GREB1L: variants seen among roughly 807,000 people sequenced by gnomAD.
The protein encoded by GREB1L is GREB1 like retinoic acid receptor coactivator.
In GREB1L, 17 loss-of-function variants were observed where a neutral mutation model predicts 200.8. The observed-to-expected ratio is 0.08, with a 90% confidence interval of 0.06 to 0.13. The LOEUF (loss-of-function observed/expected upper bound fraction) is 0.13. Among genes scored for constraint, GREB1L ranks in the 10% least tolerant of loss-of-function variants. The pLI is 1.00. For missense variants in GREB1L, 1,657 were observed against 2,367.7 expected (o/e 0.70, Z 6.23); for synonymous variants, 789 against 893.0 (o/e 0.88, Z 2.08).
chr18:21,301,868 C>T (rs1036489287), intron 1 of GREB1L, among the ~76,000 whole-genome samples: 3 of 152,148 alleles, frequency 2.0e-5, no homozygotes, highest in African/African-American at 7.2e-5. Context: ...ATATTCATAA[C>T]TTAATTTTTG....
intron 2 of GREB1L, among the ~76,000 whole-genome samples, chr18:21,377,888 C>CTGG (rs2040139946): frequency 6.6e-6 from 1 of 151,840 alleles, no homozygotes; most frequent in Non-Finnish European, 1.5e-5. Flanking sequence ...CCAGCCTGGG[C>CTGG]AACAAGAGTA....
At chr18:21,482,995 A>G (rs919614465) in intron 17 of GREB1L, among the ~76,000 whole-genome samples, 1 of 152,220 alleles carries the variant, frequency 6.6e-6, no homozygotes, top group Non-Finnish European at 1.5e-5. Flanking sequence ...AACTTTTGTA[A>G]CACAAAACCA....
In GREB1L at chr18:21,522,916, G is replaced by A; in HGVS notation, c.*95G>A. 3 of 1,087,516 alleles carry A rather than the reference G, an allele frequency of 2.8e-6. No homozygotes were observed. Among genetic ancestry groups the A allele is most frequent in the Non-Finnish European group, 3.9e-6 (3 of 778,124 alleles). 67.4% of individuals were successfully genotyped at this position (1,087,516 alleles called of 1,614,324 possible). A position where few individuals can be genotyped will look rare whatever the true frequency, so the allele number is the denominator to read the frequency against. On this transcript the variant is annotated 3_prime_UTR_variant, in exon 33 of 33. Coordinates refer to ENST00000424526, the MANE Select transcript of GREB1L (RefSeq NM_001142966.3). ...CTTTTTCCTTTAAAGTACAATCACT[G>A]TGGAGCAAAGTGCAACATATTTGTC...
chr18:21,347,287 A>C (rs917941688), intron 1 of GREB1L, among the ~76,000 whole-genome samples: 28 of 151,704 alleles, frequency 1.8e-4, no homozygotes, highest in African/African-American at 6.3e-4. Flanking sequence ...TCAAAAAAAA[A>C]AAACAAACAA....
intron 17 of GREB1L, among the ~76,000 whole-genome samples, chr18:21,483,972 C>CAAA (rs67820386): frequency 7.1e-5 from 6 of 84,712 alleles, no homozygotes; most frequent in African/African-American, 1.4e-4. Flanking sequence ...TGAGACTCCT[C>CAAA]AAAAAAAAAG....
chr18:21,332,077 C>T (rs1261290952), intron 1 of GREB1L, among the ~76,000 whole-genome samples: 1 of 152,110 alleles, frequency 6.6e-6, no homozygotes. Context: ...ACTTAAACAA[C>T]AACAACAAAA....
intron 7 of GREB1L, among the ~76,000 whole-genome samples, chr18:21,406,401 A>T (rs562586061): frequency 6.6e-6 from 1 of 152,370 alleles, no homozygotes; most frequent in East Asian, 1.9e-4. Flanking sequence ...TAATTTGACC[A>T]TGAAAATTAG....
chr18:21,361,621 A>G (rs1466619592), intron 1 of GREB1L, among the ~76,000 whole-genome samples: 2 of 152,126 alleles, frequency 1.3e-5, no homozygotes, highest in Non-Finnish European at 2.9e-5. Context: ...TTGAAGTGCA[A>G]ATAGAATGGT....
intron 1 of GREB1L, among the ~76,000 whole-genome samples, chr18:21,247,856 A>G (rs2037632909): frequency 6.6e-6 from 1 of 152,152 alleles, no homozygotes; most frequent in Admixed American, 6.5e-5. Context: ...TTGAGGTTAC[A>G]TGCAGATTCT....
chr18:21,351,452 A>G (rs1414782298), intron 1 of GREB1L, among the ~76,000 whole-genome samples: 5 of 152,062 alleles, frequency 3.3e-5, no homozygotes, highest in African/African-American at 1.2e-4. Context: ...GCATGCCTGT[A>G]GTTCCAGCTC....
chr18:21,377,295 G>A (rs1598718827), intron 2 of GREB1L, among the ~76,000 whole-genome samples: 2 of 152,066 alleles, frequency 1.3e-5, no homozygotes, highest in East Asian at 3.9e-4. Context: ...TGGGAAATAG[G>A]TGCCTGCTAA....
At chr18:21,476,100 C>G (rs1006934) in intron 16 of GREB1L, among the ~76,000 whole-genome samples, 43,790 of 148,978 alleles carry the variant, frequency 0.29, 8,521 homozygotes, top group African/African-American at 0.52. Context: ...CAGCAGGGGT[C>G]GGGGGTGGCA....
rs564890947 is a variant in GREB1L at position 21,512,224 on chromosome 18, A to G, written c.4736-1597A>G. On this transcript the variant is annotated intron_variant, in intron 27 of 32. Transcript: ENST00000424526. ...CAGGATAGATTTTTCTATTTCTGCA[A>G]AGTCTTTGGGATTTTGATAGGGACT... 1.9e-4 allele frequency among the ~76,000 whole-genome samples: 29 copies of G among 152,130 alleles called. 1 individual carries two copies. Among genetic ancestry groups the G allele is most frequent in the Non-Finnish European group, 4.3e-4 (29 of 68,032 alleles).
intron 1 of GREB1L, among the ~76,000 whole-genome samples, chr18:21,288,731 C>T (rs1175667293): frequency 5.3e-5 from 8 of 151,400 alleles, no homozygotes; most frequent in South Asian, 2.1e-4. Flanking sequence ...GTAAGGCTAC[C>T]ATCCTTTTTT....
chr18:21,417,375 A>G lies in GREB1L; in HGVS notation c.832+13381A>G, dbSNP rs373552029. 2.0e-5 allele frequency among the ~76,000 whole-genome samples: 3 copies of G among 152,114 alleles called. No individual in the cohort carries two copies. In the South Asian group the frequency reaches 6.2e-4, roughly 32 times the overall value. On this transcript the variant is annotated intron_variant, in intron 7 of 32. Coordinates refer to ENST00000424526, the MANE Select transcript of GREB1L (RefSeq NM_001142966.3). Reference sequence around the variant, plus strand: ...CATTTCTACTAAAAATGCAAAAAAAATTGCCAGGCATGGTGATGTGGGCCT... The same window carrying G: ...CATTTCTACTAAAAATGCAAAAAAAGTTGCCAGGCATGGTGATGTGGGCCT...
intron 14 of GREB1L, among the ~76,000 whole-genome samples, chr18:21,454,026 G>A (rs1397598474): frequency 1.3e-5 from 2 of 152,180 alleles, no homozygotes; most frequent in Non-Finnish European, 2.9e-5. Context: ...CCCTTTCCAG[G>A]GATGAGTCTT....
Position 21,461,071 on chromosome 18 carries a change from T to C in GREB1L, c.2182+6508T>C, listed in dbSNP as rs2035025255. On this transcript the variant is annotated intron_variant, in intron 15 of 32. Coordinates refer to ENST00000424526, the MANE Select transcript of GREB1L (RefSeq NM_001142966.3). The stretch of plus-strand genomic sequence containing the variant: ...GAGATCGCATCACTGCACTCCAGCC[T>C]GGGTGACAGAGTGAGACTCCATCTC... Among the ~76,000 whole-genome samples, 3 of 143,930 alleles carry C rather than the reference T, an allele frequency of 2.1e-5. No individual in the cohort carries two copies. The South Asian group carries it at 6.7e-4, about 32-fold the overall frequency. 94.4% of individuals were successfully genotyped at this position (143,930 alleles called of 152,430 possible).
chr18:21,461,422 T>G (rs1330353398), intron 15 of GREB1L, among the ~76,000 whole-genome samples: 2 of 152,180 alleles, frequency 1.3e-5, no homozygotes, highest in African/African-American at 4.8e-5. Flanking sequence ...TCCTACCAAC[T>G]GCCAAACCAA....
Position 21,312,546 on chromosome 18 carries a change from A to G in GREB1L, c.-119-53481A>G, listed in dbSNP as rs141898693. On this transcript the variant is annotated intron_variant, in intron 1 of 32. Coordinates refer to ENST00000424526, the MANE Select transcript of GREB1L (RefSeq NM_001142966.3). ...TTTTTATTCTTTATTTTATTTATTT[A>G]TTTATTTATTTATTTATTTATTTTT... is the stretch of plus-strand genomic sequence containing the variant. Among the ~76,000 whole-genome samples the G allele has an allele frequency of 7.4e-3, 1,121 of 150,628 alleles. 20 individuals carry two copies. Among genetic ancestry groups the G allele is most frequent in the African/African-American group, 0.025 (1,044 of 41,068 alleles).
Sources: gnomAD v4.1 joint callset for allele counts (sites outside exome capture counted in the v4.1 genomes callset) on GRCh38, gnomAD v4.1.1 for gene constraint, MANE v1.5 for transcripts, NCBI Gene and HGNC (gene_info 2026-07-23, HGNC 2026-07-21) for gene names.